ATP6AP2: variants seen among roughly 807,000 people sequenced by gnomAD.
The protein encoded by ATP6AP2 is ATPase H+ transporting accessory protein 2, also known as renin receptor.
ATP6AP2 carries 1 observed loss-of-function variant against 23.4 expected under a neutral mutation model. The observed-to-expected ratio is 0.04, with a 90% CI of 0.02 to 0.20. ATP6AP2 has a LOEUF of 0.20. Ranked by LOEUF, ATP6AP2 falls within the 10% of genes least tolerant of loss-of-function variation. The pLI, the probability that ATP6AP2 is intolerant of heterozygous loss-of-function variation, is 1.00. For synonymous variants in ATP6AP2, 90 were observed against 97.1 expected (o/e 0.93, Z 0.43); for missense variants, 174 against 271.3 (o/e 0.64, Z 2.52).
intron 2 of ATP6AP2, 133 bp downstream of exon 2, chrX:40,589,249 T>C: frequency 5.0e-6 from 4 of 794,622 alleles, no homozygotes; most frequent in Non-Finnish European, 7.2e-6. Context: ...AAAGCTCATC[T>C]GGACCAGGCA....
intron 1 of ATP6AP2, among the ~76,000 whole-genome samples, chrX:40,588,317 C>T (rs1926528094): frequency 1.1e-5 from 1 of 94,976 alleles, no homozygotes; most frequent in Admixed American, 1.2e-4. Context: ...TTTTATGTTT[C>T]TACTTGTGAC....
In ATP6AP2 at chrX:40,581,008, C is replaced by G. The variant is rs1385784189; in HGVS notation, c.-58C>G. ...TCACCTCCTCACGCTGCGGCTGTCG[C>G]CCGTGTCCCGCCGGCCCGTTCCGTG... On this transcript the variant is annotated 5_prime_UTR_variant, in exon 1 of 9. Coordinates refer to ENST00000636580, the MANE Select transcript of ATP6AP2 (RefSeq NM_005765.3). 1 of 1,155,881 alleles carries G rather than the reference C, an allele frequency of 8.7e-7. No homozygotes were observed.
chrX:40,602,051 G>GCAGACAAAT (rs1555978234), intron 8 of ATP6AP2, among the ~76,000 whole-genome samples: 1 of 102,125 alleles, frequency 9.8e-6, no homozygotes, highest in African/African-American at 4.3e-5. Flanking sequence ...GGAGGTTGAG[G>GCAGACAAAT]CGGGCGGAAC....
intron 1 of ATP6AP2, among the ~76,000 whole-genome samples, chrX:40,582,586 C>T (rs1421743874): frequency 2.7e-5 from 3 of 111,902 alleles, no homozygotes; most frequent in African/African-American, 3.2e-5. Context: ...ATGATAGTTA[C>T]GTTGTATCCA....
chrX:40,581,014 T>A lies in ATP6AP2; in HGVS notation c.-52T>A, dbSNP rs1926306280. The stretch of plus-strand genomic sequence containing the variant: ...CCTCACGCTGCGGCTGTCGCCCGTG[T>A]CCCGCCGGCCCGTTCCGTGTCGCCC... On this transcript the variant is annotated 5_prime_UTR_variant, in exon 1 of 9. Transcript: ENST00000636580. The A allele has an allele frequency of 8.6e-7, 1 of 1,158,305 alleles. No individual in the cohort carries two copies. The highest frequency in any genetic ancestry group is 2.6e-5 in the Admixed American group (1 of 38,679).
At chrX:40,596,862 C>T in intron 3 of ATP6AP2, 1 of 129,861 alleles carries the variant, frequency 7.7e-6, no homozygotes, top group African/African-American at 3.3e-5. Flanking sequence ...ACTCAGATTC[C>T]TCTAACCTCT....
chrX:40,599,836 A>C, intron 7 of ATP6AP2, 95 bp downstream of exon 7: 1 of 1,080,587 alleles, frequency 9.3e-7, no homozygotes, highest in East Asian at 3.1e-5. Flanking sequence ...TGTTGATTGA[A>C]CTCTTATTTG....
chrX:40,600,995 G>A, intron 8 of ATP6AP2, 114 bp downstream of exon 8: 17 of 801,211 alleles, frequency 2.1e-5, no homozygotes, highest in Non-Finnish European at 3.0e-5. Flanking sequence ...CAGTAAATCT[G>A]AAAAACAATT....
intron 3 of ATP6AP2, 120 bp from the exon 4 acceptor site, chrX:40,597,129 T>C: frequency 1.7e-6 from 1 of 587,520 alleles, no homozygotes; most frequent in Non-Finnish European, 2.8e-6. Flanking sequence ...ATTTCGGGCT[T>C]CTAAATTTCC....
Position 40,589,021 on chromosome X carries a change from C to G in ATP6AP2, c.73C>G (p.Pro25Ala). 1.7e-6 allele frequency: 2 copies of G among 1,209,720 alleles called. No individual in the cohort carries two copies. The highest frequency in any genetic ancestry group is 2.2e-6 in the Non-Finnish European group (2 of 894,163). ...LGNEFSILKS[P>A]GSVVFRNGNW... The stretch of plus-strand genomic sequence containing the variant: ...GAACGAGTTTAGTATATTAAAATCA[C>G]CAGGGTCTGTTGTTTTCCGAAATGG... Residue 25 changes from proline (P) to alanine (A), a missense_variant, in exon 2 of 9, where the codon CCA (proline) becomes GCA (alanine). By Grantham distance (27) the Pro-to-Ala change is conservative. Transcript: ENST00000636580.
At chrX:40,589,186 C>CA in intron 2 of ATP6AP2, 70 bp downstream of exon 2, 1 of 1,127,237 alleles carries the variant, frequency 8.9e-7, no homozygotes, top group Non-Finnish European at 1.2e-6. Context: ...GCTAATAGCC[C>CA]AAAAAAGCAT....
At chrX:40,594,009 A>G (rs1303763105) in intron 3 of ATP6AP2, among the ~76,000 whole-genome samples, 1 of 111,680 alleles carries the variant, frequency 9.0e-6, no homozygotes, top group Non-Finnish European at 1.9e-5. Flanking sequence ...ATTGCACAAA[A>G]TGGTGACTAT....
chrX:40,586,191 AGT>A (rs1926464969), intron 1 of ATP6AP2, among the ~76,000 whole-genome samples: 1 of 111,791 alleles, frequency 8.9e-6, no homozygotes, highest in Admixed American at 9.5e-5. Flanking sequence ...CCCTGGGGAT[AGT>A]GTGTGAACAA....
rs896885802 is a variant in ATP6AP2, at chrX:40,591,607, C to T, written c.300+242C>T. On this transcript the variant is annotated intron_variant, in intron 3 of 8. Transcript: ENST00000636580. The stretch of plus-strand genomic sequence containing the variant: ...AAGATAAGAGATAGAGAAATTGCCC[C>T]ACTCAGAATAGCCAGAGGCTTGAAA... 20 of 352,862 alleles carry T rather than the reference C, an allele frequency of 5.7e-5. No homozygotes were observed. The Middle Eastern group carries it at 2.5e-3, about 45-fold the overall frequency. The allele number at this position is 352,862 out of a possible 1,213,427, so 29.1% of individuals were successfully genotyped here. A position where few individuals can be genotyped will look rare whatever the true frequency, so the allele number is the denominator to read the frequency against.
At chrX:40,598,848 C>T in intron 6 of ATP6AP2, 114 bp downstream of exon 6, 1 of 753,616 alleles carries the variant, frequency 1.3e-6, no homozygotes, top group Admixed American at 2.7e-5. Flanking sequence ...ATTTATGATC[C>T]CATGAAAATT....
At chrX:40,585,236 T>C (rs1390400728) in intron 1 of ATP6AP2, among the ~76,000 whole-genome samples, 1 of 111,958 alleles carries the variant, frequency 8.9e-6, no homozygotes, top group Non-Finnish European at 1.9e-5. Context: ...TCTATTACTA[T>C]AGTAGAAGTA....
At chrX:40,584,162 G>A (rs1313915805) in intron 1 of ATP6AP2, among the ~76,000 whole-genome samples, 1 of 108,502 alleles carries the variant, frequency 9.2e-6, no homozygotes, top group African/African-American at 3.4e-5. Context: ...CTGCAGCCTC[G>A]ACCACCCAGG....
At chrX:40,600,944 ACC>A in intron 8 of ATP6AP2, 63 bp downstream of exon 8, 5 of 1,102,181 alleles carry the variant, frequency 4.5e-6, no homozygotes, top group Non-Finnish European at 6.2e-6. Flanking sequence ...AAAAAAAAAA[ACC>A]AAGTCCTATA....
In ATP6AP2 at chrX:40,606,517, T is replaced by C. The variant is rs1381318659; in HGVS notation, c.*762T>C. The stretch of plus-strand genomic sequence containing the variant: ...ACTTTTCCCCCTGTGTAAGTTACTA[T>C]GGTTTGTGGTACAACTTCATTCTAT... On this transcript the variant is annotated 3_prime_UTR_variant, in exon 9 of 9. Coordinates refer to ENST00000636580, the MANE Select transcript of ATP6AP2 (RefSeq NM_005765.3). 8.9e-6 allele frequency: 1 copy of C among 112,673 alleles called. No individual in the cohort carries two copies. The highest frequency in any genetic ancestry group is 1.9e-5 in the Non-Finnish European group (1 of 53,293). 9.3% of individuals were successfully genotyped at this position (112,673 alleles called of 1,213,427 possible). A position where few individuals can be genotyped will look rare whatever the true frequency, so the allele number is the denominator to read the frequency against.
Sources: gnomAD v4.1 joint callset for allele counts (sites outside exome capture counted in the v4.1 genomes callset) on GRCh38, gnomAD v4.1.1 for gene constraint, MANE v1.5 for transcripts, NCBI Gene and HGNC (gene_info 2026-07-23, HGNC 2026-07-21) for gene names.